NLGN1: variants seen among roughly 807,000 people sequenced by gnomAD.
NLGN1 encodes the protein neuroligin-1.
In NLGN1, 12 loss-of-function variants were observed where a neutral mutation model predicts 65.5. The observed-to-expected ratio is 0.18, with a 90% CI of 0.12 to 0.30. The LOEUF (loss-of-function observed/expected upper bound fraction) is 0.30. Ranked by LOEUF, NLGN1 falls within the 10% of genes least tolerant of loss-of-function variation. The pLI, the probability that NLGN1 is intolerant of heterozygous loss-of-function variation, is 1.00. For missense variants in NLGN1, 750 were observed against 1,007.1 expected (o/e 0.74, Z 3.46); for synonymous variants, 350 against 359.5 (o/e 0.97, Z 0.30).
chr3:173,699,075 C>G (rs1287003156), intron 3 of NLGN1, among the ~76,000 whole-genome samples: 1 of 152,046 alleles, frequency 6.6e-6, no homozygotes, highest in Non-Finnish European at 1.5e-5. Context: ...AGGCTGGTCT[C>G]AAATTCCCGA....
intron 4 of NLGN1, among the ~76,000 whole-genome samples, chr3:173,963,938 C>T (rs556482035): frequency 2.6e-5 from 4 of 151,944 alleles, no homozygotes; most frequent in African/African-American, 4.8e-5. Flanking sequence ...ATTAAGAGGT[C>T]GGTAGCTAGA....
At chr3:174,087,578 C>T (rs1289998227) in intron 4 of NLGN1, among the ~76,000 whole-genome samples, 1 of 152,124 alleles carries the variant, frequency 6.6e-6, no homozygotes, top group Admixed American at 6.5e-5. Context: ...TAAATCCAAA[C>T]CCAGACCTGG....
chr3:173,747,801 C>CTTCTTCTTTTTTTTTTTTTTT (rs1775714048), intron 3 of NLGN1, among the ~76,000 whole-genome samples: 3 of 64,422 alleles, frequency 4.7e-5, no homozygotes, highest in African/African-American at 1.9e-4. Flanking sequence ...TCTTCTTGTT[C>CTTCTTCTTTTTTTTTTTTTTT]TTTTTTTTTT....
At chr3:173,707,026 T>C (rs1406787632) in intron 3 of NLGN1, among the ~76,000 whole-genome samples, 2 of 152,366 alleles carry the variant, frequency 1.3e-5, no homozygotes, top group Non-Finnish European at 2.9e-5. Context: ...ATAGAACTTA[T>C]ATGGTGCCTT....
chr3:174,225,262 A>C (rs1739408940), intron 4 of NLGN1, among the ~76,000 whole-genome samples: 4 of 152,164 alleles, frequency 2.6e-5, no homozygotes, highest in Non-Finnish European at 4.4e-5. Context: ...CTCAGATCCC[A>C]CTAAACGCTT....
At chr3:173,830,587 A>G (rs1019848902) in intron 4 of NLGN1, among the ~76,000 whole-genome samples, 4 of 152,204 alleles carry the variant, frequency 2.6e-5, no homozygotes, top group African/African-American at 9.6e-5. Context: ...GTCAGGAAAT[A>G]TTGAGGAAAT....
intron 4 of NLGN1, among the ~76,000 whole-genome samples, chr3:173,878,575 A>G (rs1732601066): frequency 6.6e-6 from 1 of 151,308 alleles, no homozygotes; most frequent in South Asian, 2.1e-4. Context: ...GTCATTTTCC[A>G]TTCACACATT....
At chr3:173,841,660 CA>C (rs1408284532) in intron 4 of NLGN1, among the ~76,000 whole-genome samples, 1 of 151,984 alleles carries the variant, frequency 6.6e-6, no homozygotes, top group East Asian at 1.9e-4. Context: ...GACTGGAGAA[CA>C]AAATGTATAA....
At chr3:173,707,228 G>A (rs890490900) in intron 3 of NLGN1, among the ~76,000 whole-genome samples, 1 of 152,130 alleles carries the variant, frequency 6.6e-6, no homozygotes, top group Admixed American at 6.5e-5. Flanking sequence ...TGTACATATG[G>A]ATTTCCATTG....
chr3:174,126,031 G>T (rs1249252328), intron 4 of NLGN1, among the ~76,000 whole-genome samples: 1 of 152,088 alleles, frequency 6.6e-6, no homozygotes, highest in Non-Finnish European at 1.5e-5. Flanking sequence ...ATGAAGAAAT[G>T]AGCATCTGAG....
chr3:173,940,995 T>C (rs995112548), intron 4 of NLGN1, among the ~76,000 whole-genome samples: 6 of 152,176 alleles, frequency 3.9e-5, no homozygotes, highest in Non-Finnish European at 7.3e-5. Context: ...GAAAGAAAAG[T>C]TTTAAATGTT....
At chr3:173,564,809 C>T (rs764677963) in intron 2 of NLGN1, among the ~76,000 whole-genome samples, 2 of 152,202 alleles carry the variant, frequency 1.3e-5, no homozygotes, top group Non-Finnish European at 2.9e-5. Flanking sequence ...ATTATATCCT[C>T]TTCAATTATT....
chr3:173,559,119 A>G (rs1240475863), intron 2 of NLGN1, among the ~76,000 whole-genome samples: 1 of 152,152 alleles, frequency 6.6e-6, no homozygotes, highest in Non-Finnish European at 1.5e-5. Flanking sequence ...CTGAAGTTTC[A>G]GATATTTGGT....
At chr3:174,084,769 C>T (rs1054695016) in intron 4 of NLGN1, among the ~76,000 whole-genome samples, 10 of 152,012 alleles carry the variant, frequency 6.6e-5, no homozygotes, top group African/African-American at 2.4e-4. Flanking sequence ...AAAGTTTACA[C>T]TTTTGTAATT....
In NLGN1 at chr3:174,279,399, G is replaced by A. The variant is rs747256657; in HGVS notation, c.1398G>A (p.Val466=). 6.2e-7 allele frequency: 1 copy of A among 1,613,288 alleles called. No individual in the cohort carries two copies. The highest frequency in any genetic ancestry group is 1.1e-5 in the South Asian group (1 of 91,062). Residue 466 remains valine, a synonymous_variant, in exon 6 of 7, where the codon GTG becomes GTA. Transcript: ENST00000457714. The surrounding 1 kb of genome is among the most constrained non-coding windows in gnomAD (Gnocchi z 4.7). ...CTTTGTTTACGGACCATCAGTGGGT[G>A]GCACCAGCTGTAGCCACAGCGGATC...
chr3:174,125,645 A>G (rs1470899084), intron 4 of NLGN1, among the ~76,000 whole-genome samples: 2 of 152,146 alleles, frequency 1.3e-5, no homozygotes, highest in Admixed American at 6.6e-5. Context: ...AGTCTGAAAT[A>G]TTGCCTAGTG....
intron 4 of NLGN1, among the ~76,000 whole-genome samples, chr3:174,269,876 G>A (rs1207097032): frequency 6.6e-6 from 1 of 151,728 alleles, no homozygotes; most frequent in Non-Finnish European, 1.5e-5. Context: ...TGGGTGTGAG[G>A]GGATATCACA....
chr3:173,704,810 A>G (rs1457752884), intron 3 of NLGN1, among the ~76,000 whole-genome samples: 19 of 152,000 alleles, frequency 1.3e-4, no homozygotes, highest in Admixed American at 8.5e-4. Context: ...CACTTTTCCA[A>G]CCTTCTCACA....
chr3:173,913,452 G>C (rs933569470), intron 4 of NLGN1, among the ~76,000 whole-genome samples: 2 of 152,148 alleles, frequency 1.3e-5, no homozygotes, highest in Non-Finnish European at 2.9e-5. Flanking sequence ...GGATTTTCTA[G>C]CTGAGTCTTT....
Sources: gnomAD v4.1 joint callset for allele counts (sites outside exome capture counted in the v4.1 genomes callset) on GRCh38, gnomAD v4.1.1 for gene constraint, Gnocchi (gnomAD v3.1) non-coding constraint, MANE v1.5 for transcripts, NCBI Gene and HGNC (gene_info 2026-07-23, HGNC 2026-07-21) for gene names.